Variants in SPTY2D1 observed in about 807,000 individuals in gnomAD.
SPTY2D1 encodes the protein SPT2 chromatin protein domain containing 1.
A neutral mutation model predicts 64.0 loss-of-function variants in SPTY2D1; 21 were observed. That is an observed-to-expected ratio of 0.33 (90% CI 0.23 to 0.47). The LOEUF is 0.47. Ranked by LOEUF, SPTY2D1 falls within the 20% of genes least tolerant of loss-of-function variation. The pLI is 1.00. For missense variants in SPTY2D1, 724 were observed against 837.2 expected, an observed-to-expected ratio of 0.86 and a Z score of 1.67; for synonymous variants, 287 against 286.8, an observed-to-expected ratio of 1.00 and a Z score of -0.01.
At chr11:18,613,438 G>C (rs146527420) in intron 3 of SPTY2D1, among the ~76,000 whole-genome samples, 133 of 152,326 alleles carry the variant, frequency 8.7e-4, no homozygotes, top group African/African-American at 3.1e-3. Context: ...CCCTAGCTTA[G>C]TTTCTCAACC....
rs1203681859 is a variant in SPTY2D1, at chr11:18,634,336, G to T, written c.-79C>A. On this transcript the variant is annotated 5_prime_UTR_variant, in exon 1 of 6. It adds an upstream start codon to the 5' untranslated region. Coordinates refer to ENST00000336349, the MANE Select transcript of SPTY2D1 (RefSeq NM_194285.3). ...CACCTAACCGAGGCGCCCAGCTACA[G>T]CCAACTGCACTGCCTCGGGAGCCCC... is the stretch of plus-strand genomic sequence containing the variant. 4 of 1,501,516 alleles carry T rather than the reference G, an allele frequency of 2.7e-6. No individual in the cohort carries two copies. Among genetic ancestry groups the T allele is most frequent in the Non-Finnish European group, 3.7e-6 (4 of 1,082,742 alleles). 93.0% of individuals were successfully genotyped at this position (1,501,516 alleles called of 1,614,324 possible). A position where few individuals can be genotyped will look rare whatever the true frequency, so the allele number is the denominator to read the frequency against.
At chr11:18,634,041 A>G (rs1854629446) in intron 1 of SPTY2D1, among the ~76,000 whole-genome samples, 157 bp downstream of exon 1, 1 of 152,172 alleles carries the variant, frequency 6.6e-6, no homozygotes, top group Non-Finnish European at 1.5e-5. Context: ...TTTTCTCCCG[A>G]GTTCCCAAGA....
In SPTY2D1 at chr11:18,614,887, G is replaced by A. The variant is rs1349022456; in HGVS notation, c.1387C>T (p.Arg463Cys). ...VSSARPLGSS[R>C]GPGRPVSSPH... ...CTGCTCACAGGCCGGCCAGGGCCAC[G>A]AGAGCTGCCCAAGGGTCTTGCAGAA... Residue 463 changes from arginine (R) to cysteine (C), a missense_variant, in exon 3 of 6, where the codon CGT becomes TGT. By Grantham distance (180) the Arg-to-Cys change is radical (BLOSUM62 -3). Transcript: ENST00000336349. 9.9e-6 allele frequency: 16 copies of A among 1,613,600 alleles called. No individual in the cohort carries two copies. The highest frequency in any genetic ancestry group is 1.3e-5 in the Non-Finnish European group (15 of 1,179,718).
intron 1 of SPTY2D1, among the ~76,000 whole-genome samples, chr11:18,624,121 T>C (rs10832956): frequency 0.56 from 84,900 of 151,580 alleles, 27,702 homozygotes; most frequent in Middle Eastern, 0.75. Context: ...CAATAGACCC[T>C]GGTATCAAAA....
intron 3 of SPTY2D1, among the ~76,000 whole-genome samples, chr11:18,613,399 C>A (rs1322375370): frequency 6.6e-6 from 1 of 152,200 alleles, no homozygotes; most frequent in East Asian, 1.9e-4. Flanking sequence ...TGTTCTTCTA[C>A]GGTTGTTTTT....
chr11:18,634,299 G>C lies in SPTY2D1; in HGVS notation c.-42C>G. ...AGAGACTGGGCCAGGCACTCGGAAA[G>C]GACTGACAGCGCACCTAACCGAGGC... On this transcript the variant is annotated 5_prime_UTR_variant, in exon 1 of 6. Transcript: ENST00000336349. The C allele has an allele frequency of 6.2e-7, 1 of 1,609,922 alleles. No individual in the cohort carries two copies. Among genetic ancestry groups the C allele is most frequent in the Non-Finnish European group, 8.5e-7 (1 of 1,176,802 alleles).
Position 18,615,375 on chromosome 11 carries a change from A to C in SPTY2D1, c.899T>G (p.Leu300Arg). 2 of 1,614,162 alleles carry C rather than the reference A, an allele frequency of 1.2e-6. No individual in the cohort carries two copies. The highest frequency in any genetic ancestry group is 2.2e-5 in the South Asian group (2 of 91,076). ...AGSGNSSQPSLREGHDKPVFN... is the reference protein window; with the variant it reads ...AGSGNSSQPSRREGHDKPVFN... ...AACAGGTTTGTCGTGGCCCTCACGA[A>C]GTGAGGGTTGGGAGCTATTGCCAGA... is the stretch of plus-strand genomic sequence containing the variant. Residue 300 changes from leucine to arginine, a missense_variant, in exon 3 of 6, where the codon CTT (leucine) becomes CGT (arginine). Transcript: ENST00000336349.
intron 3 of SPTY2D1, among the ~76,000 whole-genome samples, chr11:18,613,916 C>T (rs913827308): frequency 6.6e-5 from 10 of 152,298 alleles, no homozygotes; most frequent in Admixed American, 5.9e-4. Context: ...GCTGAATAAG[C>T]TTCCGATTAT....
chr11:18,618,547 C>T (rs1486472286), intron 1 of SPTY2D1, among the ~76,000 whole-genome samples: 2 of 152,150 alleles, frequency 1.3e-5, no homozygotes, highest in East Asian at 1.9e-4. Flanking sequence ...GACCATTCCA[C>T]ATTAAATCCA....
Position 18,615,359 on chromosome 11 carries a change from G to A in SPTY2D1, c.915C>T (p.Asp305=). 1 of 1,614,212 alleles carries A rather than the reference G, an allele frequency of 6.2e-7. No homozygotes were observed. Among genetic ancestry groups the A allele is most frequent in the Non-Finnish European group, 8.5e-7 (1 of 1,180,030 alleles). ...SSQPSLREGH[D]KPVFNGAGKP... is the part of the protein sequence containing the mutation. ...TTCCAGCTCCATTAAAAACAGGTTTGTCGTGGCCCTCACGAAGTGAGGGTT... is the reference window on the plus strand; with the variant it reads ...TTCCAGCTCCATTAAAAACAGGTTTATCGTGGCCCTCACGAAGTGAGGGTT... The change falls in exon 3 of 6, where the codon GAC becomes GAT. Residue 305 remains aspartate (D), a synonymous_variant. Coordinates refer to ENST00000336349, the MANE Select transcript of SPTY2D1 (RefSeq NM_194285.3).
At chr11:18,610,658 CCTGT>C in intron 5 of SPTY2D1, among the ~76,000 whole-genome samples, 1 of 137,210 alleles carries the variant, frequency 7.3e-6, no homozygotes, top group South Asian at 2.3e-4. Flanking sequence ...AGAGCAAGAC[CCTGT>C]CTCTTAAAAA....
At position 18,608,309 on chromosome 11, in the gene SPTY2D1, T is replaced by C. The variant is rs2134106387; in HGVS notation, c.*1552A>G. ...GAGTCCGTCTTAAAAGCCTGGCTCA[T>C]ATGGTCCCATTAAGGGAGGCTAACA... On this transcript the variant is annotated 3_prime_UTR_variant, in exon 6 of 6. Coordinates refer to ENST00000336349, the MANE Select transcript of SPTY2D1 (RefSeq NM_194285.3). The C allele has an allele frequency of 6.5e-6, 1 of 152,758 alleles. No individual in the cohort carries two copies. The highest frequency in any genetic ancestry group is 2.1e-4 in the South Asian group (1 of 4,826). 9.5% of individuals were successfully genotyped at this position (152,758 alleles called of 1,614,324 possible).
chr11:18,613,478 T>G (rs1854239369), intron 3 of SPTY2D1, among the ~76,000 whole-genome samples: 1 of 152,188 alleles, frequency 6.6e-6, no homozygotes, highest in African/African-American at 2.4e-5. Context: ...GACCAGATAA[T>G]TCTTTGCTGT....
At chr11:18,611,809 A>G (rs1854210520) in intron 4 of SPTY2D1, among the ~76,000 whole-genome samples, 3 of 152,204 alleles carry the variant, frequency 2.0e-5, no homozygotes, top group Admixed American at 2.0e-4. Flanking sequence ...TACCAATCCT[A>G]CAGTGCTTCC....
chr11:18,623,779 C>T (rs1429760088), intron 1 of SPTY2D1, among the ~76,000 whole-genome samples: 1 of 152,220 alleles, frequency 6.6e-6, no homozygotes, highest in African/African-American at 2.4e-5. Flanking sequence ...ATAAATCCTA[C>T]TGGTTCCATG....
chr11:18,634,097 C>T (rs1448343636), intron 1 of SPTY2D1, 101 bp downstream of exon 1: 1 of 1,351,920 alleles, frequency 7.4e-7, no homozygotes, highest in Non-Finnish European at 1.1e-6. Context: ...TCTTTCCTCT[C>T]CCGGAGCCGA....
rs1854162837 is a variant in SPTY2D1 at position 18,609,575 on chromosome 11, C to A, written c.*286G>T. 1 of 335,588 alleles carries A rather than the reference C, an allele frequency of 3.0e-6. No individual in the cohort carries two copies. The allele number at this position is 335,588 out of a possible 1,614,324, so 20.8% of individuals were successfully genotyped here. A position where few individuals can be genotyped will look rare whatever the true frequency, so the allele number is the denominator to read the frequency against. ...AAAAGATTGGCTGACTGGTGAGTGGCCCCACATTAGAGTGCATAGCTCATC... is the reference window on the plus strand; with the variant it reads ...AAAAGATTGGCTGACTGGTGAGTGGACCCACATTAGAGTGCATAGCTCATC... On this transcript the variant is annotated 3_prime_UTR_variant, in exon 6 of 6. Coordinates refer to ENST00000336349, the MANE Select transcript of SPTY2D1 (RefSeq NM_194285.3).
rs1165258678 is a variant in SPTY2D1 at position 18,609,540 on chromosome 11, A to T, written c.*321T>A. The T allele has an allele frequency of 1.5e-5, 4 of 262,916 alleles. No individual in the cohort carries two copies. The highest frequency in any genetic ancestry group is 2.9e-5 in the Non-Finnish European group (4 of 138,748). 16.3% of individuals were successfully genotyped at this position (262,916 alleles called of 1,614,324 possible). On this transcript the variant is annotated 3_prime_UTR_variant, in exon 6 of 6. Transcript: ENST00000336349. ...CCTTTTTTTTCCTTTCAAAGTAGCA[A>T]AGGAACAATAAAAGATTGGCTGACT... is the stretch of plus-strand genomic sequence containing the variant.
chr11:18,628,648 C>A (rs985077312), intron 1 of SPTY2D1, among the ~76,000 whole-genome samples: 10 of 152,174 alleles, frequency 6.6e-5, no homozygotes, highest in Admixed American at 6.5e-4. Flanking sequence ...GTGGAGTCTG[C>A]GTCTTCCCAG....
Sources: allele counts gnomAD v4.1 joint callset (sites outside exome capture counted in the v4.1 genomes callset), GRCh38; gene constraint gnomAD v4.1.1; transcripts MANE v1.5; gene names NCBI Gene and HGNC (gene_info 2026-07-23, HGNC 2026-07-21).